Variants in RIMS2 observed in about 807,000 individuals in gnomAD.
RIMS2 encodes the protein regulating synaptic membrane exocytosis 2, also known as regulating synaptic membrane exocytosis protein 2.
Under a neutral mutation model 174.4 loss-of-function variants are expected in RIMS2, and 59 were observed. That is an observed-to-expected ratio of 0.34 (90% CI 0.27 to 0.42). The LOEUF is 0.42. Ranked by LOEUF, RIMS2 falls within the 10% of genes least tolerant of loss-of-function variation. The probability of loss-of-function intolerance (pLI) is 1.00; values close to 1 mark genes in which losing one functional copy is unlikely to be tolerated. For synonymous variants in RIMS2, 606 were observed against 572.5 expected (o/e 1.06, Z -0.84); for missense variants, 1,620 against 1,666.3 (o/e 0.97, Z 0.48).
At chr8:103,560,700 A>G (rs997064375) in intron 1 of RIMS2, among the ~76,000 whole-genome samples, 1 of 152,214 alleles carries the variant, frequency 6.6e-6, no homozygotes, top group Non-Finnish European at 1.5e-5. Flanking sequence ...GGTAAACACA[A>G]TCATTTGAAA....
At chr8:104,227,676 T>G (rs2099196832) in intron 19 of RIMS2, among the ~76,000 whole-genome samples, 1 of 152,200 alleles carries the variant, frequency 6.6e-6, no homozygotes, top group Non-Finnish European at 1.5e-5. Flanking sequence ...GGGTTAGTGA[T>G]TCTTGTTTAA....
intron 1 of RIMS2, among the ~76,000 whole-genome samples, chr8:103,615,647 A>G (rs2095487902): frequency 6.6e-6 from 1 of 152,040 alleles, no homozygotes; most frequent in African/African-American, 2.4e-5. Context: ...ATAAGAAAAG[A>G]GAGAACATCC....
At chr8:104,248,903 C>G (rs2099348974) in intron 21 of RIMS2, 90 bp downstream of exon 27, 1 of 681,532 alleles carries the variant, frequency 1.5e-6, no homozygotes. Context: ...CTCTCTCTCT[C>G]TCTCTCTCTT....
chr8:103,543,732 A>G (rs1454896730), intron 1 of RIMS2, among the ~76,000 whole-genome samples: 1 of 152,236 alleles, frequency 6.6e-6, no homozygotes, highest in Non-Finnish European at 1.5e-5. Context: ...GATGCCAAGA[A>G]TACACAATGG....
intron 19 of RIMS2, among the ~76,000 whole-genome samples, chr8:104,090,978 C>T (rs1381775907): frequency 6.6e-6 from 1 of 151,640 alleles, no homozygotes. Flanking sequence ...TCATCATTAT[C>T]TTTGTCATCA....
Position 103,787,433 on chromosome 8 carries a change from C to T in RIMS2, c.698+20896C>T, listed in dbSNP as rs200082311. 6.1e-3 allele frequency among the ~76,000 whole-genome samples: 919 copies of T among 150,494 alleles called. 9 individuals are homozygous for T. The highest frequency in any genetic ancestry group is 0.021 in the African/African-American group (858 of 41,020). On this transcript the variant is annotated intron_variant, in intron 3 of 23. Transcript: ENST00000504942. ...ACCGGTTGTTCCTTTCCATGTTTAG[C>T]GCTTCCTTCAGGAGCTCTTTTAGGG...
intron 19 of RIMS2, among the ~76,000 whole-genome samples, chr8:104,191,012 G>A (rs1039991119): frequency 5.3e-5 from 8 of 151,486 alleles, no homozygotes; most frequent in Non-Finnish European, 7.4e-5. Flanking sequence ...ATAGAATCAA[G>A]CAAATATATG....
chr8:103,568,452 G>A (rs977883158), intron 1 of RIMS2, among the ~76,000 whole-genome samples: 1 of 152,196 alleles, frequency 6.6e-6, no homozygotes, highest in East Asian at 1.9e-4. Flanking sequence ...TAATGTTTCT[G>A]TAACTGTTGG....
At chr8:104,151,145 G>T (rs531669608) in intron 19 of RIMS2, among the ~76,000 whole-genome samples, 1 of 152,342 alleles carries the variant, frequency 6.6e-6, no homozygotes, top group South Asian at 2.1e-4. Flanking sequence ...AGCAAAATTA[G>T]TAGTCATTTA....
intron 19 of RIMS2, among the ~76,000 whole-genome samples, chr8:104,159,915 G>C (rs986055123): frequency 6.6e-6 from 1 of 152,110 alleles, no homozygotes; most frequent in Non-Finnish European, 1.5e-5. Flanking sequence ...AAGGCGGGCC[G>C]ATCAACTGAG....
chr8:103,557,661 A>G (rs1180159179), intron 1 of RIMS2, among the ~76,000 whole-genome samples: 6 of 152,178 alleles, frequency 3.9e-5, no homozygotes, highest in Non-Finnish European at 8.8e-5. Context: ...CTATTTCCAT[A>G]AGTAATGACT....
chr8:103,911,252 A>G (rs1307750481), intron 5 of RIMS2, among the ~76,000 whole-genome samples: 1 of 152,192 alleles, frequency 6.6e-6, no homozygotes, highest in Non-Finnish European at 1.5e-5. Context: ...TTTACTTAGA[A>G]TATCATTCAT....
chr8:104,223,886 C>T (rs1485589225), intron 19 of RIMS2: 5 of 1,008,652 alleles, frequency 5.0e-6, no homozygotes, highest in Middle Eastern at 2.4e-4. Context: ...CTCCACGTAG[C>T]AGTGTCCCAG....
At chr8:103,590,946 T>G (rs1191507698) in intron 1 of RIMS2, among the ~76,000 whole-genome samples, 1 of 150,992 alleles carries the variant, frequency 6.6e-6, no homozygotes, top group Non-Finnish European at 1.5e-5. Context: ...TTTATGTTTA[T>G]TTTTATGAGA....
At chr8:103,869,116 G>C (rs957179571) in intron 3 of RIMS2, among the ~76,000 whole-genome samples, 1 of 151,416 alleles carries the variant, frequency 6.6e-6, no homozygotes, top group Non-Finnish European at 1.5e-5. Flanking sequence ...TTGTGTTTAA[G>C]AACATAAGAA....
intron 19 of RIMS2, among the ~76,000 whole-genome samples, chr8:104,174,982 G>T (rs1484709441): frequency 2.6e-5 from 4 of 152,174 alleles, no homozygotes; most frequent in African/African-American, 7.2e-5. Context: ...AAAGTCTTAA[G>T]CCAAAATAGT....
At chr8:103,988,562 C>G (rs542587480) in intron 16 of RIMS2, among the ~76,000 whole-genome samples, 12 of 152,212 alleles carry the variant, frequency 7.9e-5, no homozygotes, top group African/African-American at 2.6e-4. Flanking sequence ...CGGGTTCAAG[C>G]GATTCTTCTG....
chr8:104,070,552 G>C (rs955462218), intron 19 of RIMS2, among the ~76,000 whole-genome samples: 1 of 152,052 alleles, frequency 6.6e-6, no homozygotes, highest in South Asian at 2.1e-4. Context: ...TGTTTGTTTT[G>C]TATTTCTGCC....
At chr8:103,902,469 G>T (rs2073360242) in intron 4 of RIMS2, among the ~76,000 whole-genome samples, 1 of 152,102 alleles carries the variant, frequency 6.6e-6, no homozygotes, top group South Asian at 2.1e-4. Context: ...GCTACAATCA[G>T]TCCTCTGCAC....
Sources: gnomAD v4.1 joint callset for allele counts (sites outside exome capture counted in the v4.1 genomes callset) on GRCh38, gnomAD v4.1.1 for gene constraint, MANE v1.5 for transcripts, NCBI Gene and HGNC (gene_info 2026-07-23, HGNC 2026-07-21) for gene names.